The following ATP8A1 variants were observed in gnomAD, a reference collection of about 807,000 sequenced individuals.
ATP8A1 encodes phospholipid-transporting ATPase IA.
ATP8A1 carries 90 observed loss-of-function variants against 177.7 expected under a neutral mutation model. The ratio of observed to expected loss-of-function variants is 0.51; its 90% confidence interval spans 0.43 to 0.60. ATP8A1 has a LOEUF of 0.60. Ranked by LOEUF, ATP8A1 falls within the 20% of genes least tolerant of loss-of-function variation. ATP8A1 has a pLI of 0.00. For missense variants in ATP8A1, 1,072 were observed against 1,392.8 expected (o/e 0.77, Z 3.67); for synonymous variants, 493 against 485.9 (o/e 1.01, Z -0.19).
intron 25 of ATP8A1, among the ~76,000 whole-genome samples, chr4:42,471,190 A>G (rs1379254968): frequency 6.6e-6 from 1 of 152,228 alleles, no homozygotes; most frequent in Non-Finnish European, 1.5e-5. Context: ...GATACTTAGC[A>G]ATATGGTACA....
In ATP8A1 at chr4:42,464,242, C is replaced by G. The variant is rs1719483634; in HGVS notation, c.2619+448G>C. Among the ~76,000 whole-genome samples the G allele has an allele frequency of 2.7e-5, 4 of 150,394 alleles. No individual in the cohort carries two copies. The Admixed American group carries it at 2.7e-4, about 10-fold the overall frequency. On this transcript the variant is annotated intron_variant, in intron 27 of 36. Coordinates refer to ENST00000381668, the MANE Select transcript of ATP8A1 (RefSeq NM_006095.2). ...ATAACATTTTTAGCTAGAATTTAAA[C>G]ATAATTCTCCATGGCTGACAAACTT...
At chr4:42,634,352 C>T (rs1202482400) in intron 1 of ATP8A1, among the ~76,000 whole-genome samples, 1 of 152,136 alleles carries the variant, frequency 6.6e-6, no homozygotes, top group Non-Finnish European at 1.5e-5. Context: ...GCTAAATTTA[C>T]AATATTTTGG....
At chr4:42,545,606 C>T (rs568375346) in intron 19 of ATP8A1, among the ~76,000 whole-genome samples, 2 of 152,314 alleles carry the variant, frequency 1.3e-5, no homozygotes, top group South Asian at 2.1e-4. Flanking sequence ...CTTCTCCATT[C>T]TCCAAGTCTC....
At chr4:42,499,431 A>G (rs1723597384) in intron 24 of ATP8A1, among the ~76,000 whole-genome samples, 1 of 152,194 alleles carries the variant, frequency 6.6e-6, no homozygotes, top group Non-Finnish European at 1.5e-5. Context: ...CTCCTCACAT[A>G]AAAGAGATGC....
intron 20 of ATP8A1, among the ~76,000 whole-genome samples, chr4:42,541,789 T>G (rs994512204): frequency 1.3e-5 from 2 of 152,172 alleles, no homozygotes; most frequent in Non-Finnish European, 2.9e-5. Flanking sequence ...ACCATATCAT[T>G]CTAACTATAT....
Position 42,485,643 on chromosome 4 carries a change from T to A in ATP8A1, c.2177A>T (p.His726Leu). Residue 726 changes from histidine to leucine, a missense_variant, in exon 25 of 37, where the codon CAC becomes CTC. His to Leu is a moderately conservative substitution (Grantham distance 99). Transcript: ENST00000381668. Reference sequence around the variant, plus strand: ...GAGAGCATCACCAAGGGTAGTACAGTGACGACTGAGAGTTTCCCTTGTTCC... The same window carrying A: ...GAGAGCATCACCAAGGGTAGTACAGAGACGACTGAGAGTTTCCCTTGTTCC... ...LDGTRETLSRHCTTLGDALRK... is the reference protein window; with the variant it reads ...LDGTRETLSRLCTTLGDALRK... 6.2e-7 allele frequency: 1 copy of A among 1,610,864 alleles called. No individual in the cohort carries two copies. The highest frequency in any genetic ancestry group is 8.5e-7 in the Non-Finnish European group (1 of 1,178,956).
chr4:42,487,350 A>C lies in ATP8A1; in HGVS notation c.2152-1682T>G, dbSNP rs546482462. Among the ~76,000 whole-genome samples, 3 of 152,192 alleles carry C rather than the reference A, an allele frequency of 2.0e-5. No individual in the cohort carries two copies. The South Asian group carries it at 6.2e-4, about 32-fold the overall frequency. ...CAATACATTTAGTTTTTCTCCCCAC[A>C]TCCTATAGATTCTTCCTATAACCTA... On this transcript the variant is annotated intron_variant, in intron 24 of 36. Transcript: ENST00000381668.
chr4:42,636,156 A>ACACACGCGCGTGCGCGCGCGCG, intron 1 of ATP8A1, among the ~76,000 whole-genome samples: 1 of 90,968 alleles, frequency 1.1e-5, no homozygotes, highest in Non-Finnish European at 2.6e-5. Flanking sequence ...ACACACACAC[A>ACACACGCGCGTGCGCGCGCGCG]CGCACACACA....
At chr4:42,487,757 C>CA (rs1489141988) in intron 24 of ATP8A1, among the ~76,000 whole-genome samples, 2 of 152,104 alleles carry the variant, frequency 1.3e-5, no homozygotes, top group African/African-American at 4.8e-5. Flanking sequence ...ATGCGGTTCA[C>CA]ACTATGTTCT....
chr4:42,560,747 T>C lies in ATP8A1; in HGVS notation c.1341-4707A>G, dbSNP rs115186097. 2.3e-3 allele frequency among the ~76,000 whole-genome samples: 349 copies of C among 152,142 alleles called. 2 individuals are homozygous for C. The highest frequency in any genetic ancestry group is 8.1e-3 in the African/African-American group (338 of 41,534). ...TAACATGCACATACAGGGAATTTCT[T>C]TATTTAGGAGCTGGTAGCCTGCACT... On this transcript the variant is annotated intron_variant, in intron 15 of 36. Coordinates refer to ENST00000381668, the MANE Select transcript of ATP8A1 (RefSeq NM_006095.2).
At chr4:42,640,928 G>C (rs1739910337) in intron 1 of ATP8A1, among the ~76,000 whole-genome samples, 1 of 151,792 alleles carries the variant, frequency 6.6e-6, no homozygotes, top group South Asian at 2.1e-4. Flanking sequence ...GGGCTGGAGG[G>C]AGCATCATGG....
intron 27 of ATP8A1, among the ~76,000 whole-genome samples, chr4:42,459,700 T>G (rs1405840030): frequency 1.3e-5 from 2 of 152,256 alleles, no homozygotes; most frequent in Non-Finnish European, 2.9e-5. Context: ...AAACACACAC[T>G]ATTCCAGACC....
Position 42,422,788 on chromosome 4 carries a change from T to C in ATP8A1, c.3305+19A>G. The stretch of plus-strand genomic sequence containing the variant: ...TTTAAAGTTCATTTGGAAAAGAATA[T>C]ATTCACTGTGTATTTTACCTTTTTC... On this transcript the variant is annotated intron_variant, in intron 35 of 36. Coordinates refer to ENST00000381668, the MANE Select transcript of ATP8A1 (RefSeq NM_006095.2). 1 of 1,581,570 alleles carries C rather than the reference T, an allele frequency of 6.3e-7. No individual in the cohort carries two copies. Among genetic ancestry groups the C allele is most frequent in the Non-Finnish European group, 8.7e-7 (1 of 1,153,054 alleles).
chr4:42,420,497 C>T (rs1327600947), intron 35 of ATP8A1, among the ~76,000 whole-genome samples: 2 of 152,148 alleles, frequency 1.3e-5, no homozygotes, highest in Admixed American at 6.5e-5. Context: ...GGCTCTCTGG[C>T]TTATTTTATT....
chr4:42,436,023 T>C (rs1042039961), intron 33 of ATP8A1, among the ~76,000 whole-genome samples: 1 of 152,214 alleles, frequency 6.6e-6, no homozygotes, highest in African/African-American at 2.4e-5. Flanking sequence ...TAACTTGGTA[T>C]TGAGGAACAG....
At chr4:42,518,756 G>A (rs974102557) in intron 22 of ATP8A1, among the ~76,000 whole-genome samples, 6 of 152,142 alleles carry the variant, frequency 3.9e-5, no homozygotes, top group African/African-American at 1.2e-4. Flanking sequence ...TGCATAAACA[G>A]CATGTCTCAG....
intron 10 of ATP8A1, among the ~76,000 whole-genome samples, chr4:42,580,787 TG>T (rs1344653202): frequency 6.6e-6 from 1 of 152,168 alleles, no homozygotes; most frequent in Non-Finnish European, 1.5e-5. Context: ...TATTGAATAT[TG>T]ATGGTATAAC....
intron 21 of ATP8A1, among the ~76,000 whole-genome samples, chr4:42,524,420 T>C (rs1399270465): frequency 6.8e-6 from 1 of 146,808 alleles, no homozygotes; most frequent in Non-Finnish European, 1.5e-5. Context: ...TTAGAATATC[T>C]GTTTTTTTTT....
At position 42,543,994 on chromosome 4, in the gene ATP8A1, A is replaced by G; in HGVS notation, c.1653-8T>C. On this transcript the variant is annotated splice_region_variant and splice_polypyrimidine_tract_variant and intron_variant, in intron 19 of 36. Transcript: ENST00000381668. Reference sequence around the variant, plus strand: ...GACATTCTTTTCCTAGCACTGAAAGAAAGAGGTTTTGCATAATGTGTCATC... The same window carrying G: ...GACATTCTTTTCCTAGCACTGAAAGGAAGAGGTTTTGCATAATGTGTCATC... 1 of 1,612,572 alleles carries G rather than the reference A, an allele frequency of 6.2e-7. No homozygotes were observed. Among genetic ancestry groups the G allele is most frequent in the Non-Finnish European group, 8.5e-7 (1 of 1,179,102 alleles).
Sources: allele counts gnomAD v4.1 joint callset (sites outside exome capture counted in the v4.1 genomes callset), GRCh38; gene constraint gnomAD v4.1.1; transcripts MANE v1.5; gene names NCBI Gene and HGNC (gene_info 2026-07-23, HGNC 2026-07-21).